The following PRTG variants were observed in gnomAD, a reference collection of about 807,000 sequenced individuals.
PRTG encodes the protein immunoglobulin superfamily, DCC subclass, member 5.
In PRTG, 67 loss-of-function variants were observed where a neutral mutation model predicts 122.5. The observed-to-expected ratio is 0.55, with a 90% CI of 0.45 to 0.67. The LOEUF is 0.67. Among genes scored for constraint, PRTG ranks in the 30% least tolerant of loss-of-function variants. The pLI is 0.00. For missense variants in PRTG, 1,435 were observed against 1,415.4 expected, an observed-to-expected ratio of 1.01 and a Z score of -0.22; for synonymous variants, 554 against 501.1, an observed-to-expected ratio of 1.11 and a Z score of -1.41.
intron 12 of PRTG, chr15:55,640,090 T>C (rs1347790844): frequency 4.9e-6 from 2 of 411,538 alleles, no homozygotes; most frequent in Non-Finnish European, 6.5e-6. Flanking sequence ...TCAGGGGATT[T>C]CATCATTCTG....
At chr15:55,642,597 C>CAAAAA (rs10708251) in intron 11 of PRTG, among the ~76,000 whole-genome samples, 1 of 95,194 alleles carries the variant, frequency 1.1e-5, no homozygotes, top group South Asian at 3.4e-4. Context: ...AACTCCATCT[C>CAAAAA]AAAAAAAAAA....
At chr15:55,630,375 G>A (rs908877123) in intron 15 of PRTG, among the ~76,000 whole-genome samples, 7 of 152,014 alleles carry the variant, frequency 4.6e-5, no homozygotes, top group South Asian at 2.1e-4. Context: ...TGCCCACCTC[G>A]GCCTCCCAAA....
intron 2 of PRTG, among the ~76,000 whole-genome samples, chr15:55,707,561 T>C (rs2030181152): frequency 6.6e-6 from 1 of 152,134 alleles, no homozygotes; most frequent in African/African-American, 2.4e-5. Flanking sequence ...CTCAAAAGAA[T>C]AAAAGAAGAG....
At chr15:55,726,459 C>T (rs1289907133) in intron 2 of PRTG, among the ~76,000 whole-genome samples, 2 of 151,868 alleles carry the variant, frequency 1.3e-5, no homozygotes, top group African/African-American at 4.8e-5. Flanking sequence ...ACCAAGAGAG[C>T]TGGGGAGGCT....
chr15:55,732,919 T>C (rs1240536755), intron 2 of PRTG, among the ~76,000 whole-genome samples: 1 of 152,096 alleles, frequency 6.6e-6, no homozygotes, highest in Non-Finnish European at 1.5e-5. Context: ...CGCTTAAAAA[T>C]AGTAAATGGT....
intron 2 of PRTG, among the ~76,000 whole-genome samples, chr15:55,698,201 C>G (rs1325705961): frequency 6.6e-6 from 1 of 152,186 alleles, no homozygotes; most frequent in Non-Finnish European, 1.5e-5. Flanking sequence ...ATAAACTTAT[C>G]TTCCCTGTCC....
chr15:55,629,373 A>ATGTGTGTGTGTGTG (rs1491345628), intron 15 of PRTG, among the ~76,000 whole-genome samples: 4 of 54,358 alleles, frequency 7.4e-5, no homozygotes, highest in Non-Finnish European at 9.9e-5. Context: ...ATATATATAT[A>ATGTGTGTGTGTGTG]TATGTGTGTG....
In PRTG at chr15:55,655,274, T is replaced by C. The variant is rs1359260078; in HGVS notation, c.2042-14066A>G. 3 of 152,180 alleles carry C rather than the reference T, an allele frequency of 2.0e-5. No individual in the cohort carries two copies. The East Asian group carries it at 5.8e-4, about 29-fold the overall frequency. 9.4% of individuals were successfully genotyped at this position (152,180 alleles called of 1,614,324 possible). On this transcript the variant is annotated intron_variant, in intron 11 of 19. Transcript: ENST00000389286. ...TATAAACAGTCTATTCAACCAGAAA[T>C]TTTTTAGTTATTAAAAGACACTGAA...
chr15:55,730,492 T>C (rs1356042323), intron 2 of PRTG, among the ~76,000 whole-genome samples: 1 of 152,118 alleles, frequency 6.6e-6, no homozygotes, highest in African/African-American at 2.4e-5. Context: ...AAAAGCTTTA[T>C]TTAAGCACTG....
chr15:55,722,407 AATAACT>A (rs60169847), intron 2 of PRTG, among the ~76,000 whole-genome samples: 54,002 of 151,674 alleles, frequency 0.36, 12,333 homozygotes, highest in Non-Finnish European at 0.51. Context: ...TGGGGAAATG[AATAACT>A]ATGACAGTAA....
At chr15:55,705,750 T>C (rs2030080952) in intron 2 of PRTG, among the ~76,000 whole-genome samples, 1 of 152,172 alleles carries the variant, frequency 6.6e-6, no homozygotes, top group South Asian at 2.1e-4. Flanking sequence ...CTCCTACCTA[T>C]TTCTGATCAA....
At chr15:55,683,007 T>C (rs978946008) in intron 3 of PRTG, among the ~76,000 whole-genome samples, 1 of 152,206 alleles carries the variant, frequency 6.6e-6, no homozygotes, top group Non-Finnish European at 1.5e-5. Context: ...CTCTAAAACA[T>C]AAACAATCCA....
chr15:55,682,967 T>G (rs2059549199), intron 3 of PRTG, among the ~76,000 whole-genome samples: 1 of 152,222 alleles, frequency 6.6e-6, no homozygotes, highest in Non-Finnish European at 1.5e-5. Context: ...TTAGCTTGAT[T>G]CTATTGTTTT....
At chr15:55,622,716 A>G (rs2059173886) in intron 18 of PRTG, among the ~76,000 whole-genome samples, 1 of 151,344 alleles carries the variant, frequency 6.6e-6, no homozygotes, top group Admixed American at 6.6e-5. Context: ...TTGTATTTTT[A>G]GTAGAGCTGG....
chr15:55,724,324 G>A (rs8030891), intron 2 of PRTG, among the ~76,000 whole-genome samples: 189 of 152,250 alleles, frequency 1.2e-3, no homozygotes, highest in African/African-American at 4.4e-3. Flanking sequence ...TTCAATCAGT[G>A]TCAGTATTTC....
chr15:55,642,180 C>CAAA (rs761440348), intron 11 of PRTG, among the ~76,000 whole-genome samples: 79 of 66,280 alleles, frequency 1.2e-3, no homozygotes, highest in Non-Finnish European at 1.3e-3. Flanking sequence ...GACTCCGTCT[C>CAAA]AAAAAAAAAA....
intron 2 of PRTG, among the ~76,000 whole-genome samples, chr15:55,712,295 T>C (rs1232835386): frequency 3.9e-5 from 6 of 152,370 alleles, no homozygotes; most frequent in African/African-American, 1.4e-4. Flanking sequence ...CAGAGTTCAC[T>C]GACCACTGGT....
intron 2 of PRTG, among the ~76,000 whole-genome samples, chr15:55,712,192 C>T (rs542347589): frequency 4.3e-4 from 65 of 152,310 alleles, no homozygotes; most frequent in Non-Finnish European, 7.6e-4. Context: ...TCTTCCTACA[C>T]TGATAAGTCT....
Position 55,697,178 on chromosome 15 carries a change from A to G in PRTG, c.398-13247T>C, listed in dbSNP as rs141938401. Among the ~76,000 whole-genome samples, 614 of 152,276 alleles carry G rather than the reference A, an allele frequency of 4.0e-3. 3 individuals are homozygous for G. The highest frequency in any genetic ancestry group is 0.014 in the African/African-American group (592 of 41,552). On this transcript the variant is annotated intron_variant, in intron 2 of 19. Coordinates refer to ENST00000389286, the MANE Select transcript of PRTG (RefSeq NM_173814.6). Reference sequence around the variant, plus strand: ...GTTCCTCCTGACCACTGGGCCACTCACTGCTTTTCAGGAACTCTCTTATTA... The same window carrying G: ...GTTCCTCCTGACCACTGGGCCACTCGCTGCTTTTCAGGAACTCTCTTATTA...
Sources: allele counts gnomAD v4.1 joint callset (sites outside exome capture counted in the v4.1 genomes callset), GRCh38; gene constraint gnomAD v4.1.1; transcripts MANE v1.5; gene names NCBI Gene and HGNC (gene_info 2026-07-23, HGNC 2026-07-21).